NIPSNAP1: variants seen among roughly 807,000 people sequenced by gnomAD.
The protein encoded by NIPSNAP1 is protein NipSnap homolog 1.
NIPSNAP1 carries 25 observed loss-of-function variants against 49.2 expected under a neutral mutation model. The ratio of observed to expected loss-of-function variants is 0.51; its 90% CI spans 0.37 to 0.71. The LOEUF is 0.71. Among genes scored for constraint, NIPSNAP1 ranks in the 30% least tolerant of loss-of-function variants. The pLI, the probability that NIPSNAP1 is intolerant of heterozygous loss-of-function variation, is 0.00. For missense variants in NIPSNAP1, 294 were observed against 361.0 expected (o/e 0.81, Z 1.50); for synonymous variants, 143 against 140.7 (o/e 1.02, Z -0.12).
chr22:29,561,580 C>T lies in NIPSNAP1; in HGVS notation c.505G>A (p.Glu169Lys). 6.2e-7 allele frequency: 1 copy of T among 1,614,084 alleles called. No homozygotes were observed. Among genetic ancestry groups the T allele is most frequent in the Non-Finnish European group, 8.5e-7 (1 of 1,179,998 alleles). ...LLSRRNQLLL[E>K]FSFWNEPQPR... The stretch of plus-strand genomic sequence containing the variant: ...TGTGGCTCATTCCAGAAGCTGAACT[C>T]GAGGAGCAGCTGGTTTCTCCTGGAC... Residue 169 changes from glutamate (E) to lysine (K), a missense_variant, in exon 6 of 10, where the codon GAG becomes AAG. Transcript: ENST00000216121.
chr22:29,574,022 G>C (rs572498843), intron 1 of NIPSNAP1, among the ~76,000 whole-genome samples: 2 of 152,008 alleles, frequency 1.3e-5, no homozygotes, highest in Admixed American at 1.3e-4. Flanking sequence ...TTGGGAGGCT[G>C]AGGCGGGCAG....
At chr22:29,570,627 C>T in intron 1 of NIPSNAP1, 95 bp from the exon 2 acceptor site, 1 of 1,507,922 alleles carries the variant, frequency 6.6e-7, no homozygotes, top group Non-Finnish European at 9.0e-7. Flanking sequence ...GACCAGTGAC[C>T]CACATTTCTG....
intron 1 of NIPSNAP1, among the ~76,000 whole-genome samples, chr22:29,572,302 CAA>C (rs695769): frequency 0.32 from 22,139 of 70,090 alleles, 1,656 homozygotes; most frequent in East Asian, 0.59. Flanking sequence ...GAATCCATCT[CAA>C]AAAAAAAAAA....
intron 9 of NIPSNAP1, 152 bp downstream of exon 9, chr22:29,558,718 G>A (rs1360366141): frequency 2.8e-6 from 2 of 703,980 alleles, no homozygotes; most frequent in Admixed American, 2.0e-5. Flanking sequence ...ATCCTATGGA[G>A]TGTGCCACTT....
Position 29,570,542 on chromosome 22 carries a change from AGAG to A in NIPSNAP1, c.99-13_99-11del, listed in dbSNP as rs1295627399. 3 of 1,612,288 alleles carry A rather than the reference AGAG, an allele frequency of 1.9e-6. No individual in the cohort carries two copies. The highest frequency in any genetic ancestry group is 2.7e-5 in the African/African-American group (2 of 74,920). ...GTCCTTGGAATAGAAACTGCAGGAC[AGAG>A]GAGTTGAGGGGGACGCGCGGAGGTT... On this transcript the variant is annotated splice_polypyrimidine_tract_variant and intron_variant, in intron 1 of 9. Transcript: ENST00000216121.
chr22:29,573,379 C>T (rs767266752), intron 1 of NIPSNAP1, among the ~76,000 whole-genome samples: 11 of 152,006 alleles, frequency 7.2e-5, no homozygotes, highest in South Asian at 2.1e-4. Flanking sequence ...AGAAATGGGC[C>T]GGGCATGGTG....
chr22:29,555,794 G>T lies in NIPSNAP1; in HGVS notation c.*141C>A. On this transcript the variant is annotated 3_prime_UTR_variant, in exon 10 of 10. Coordinates refer to ENST00000216121, the MANE Select transcript of NIPSNAP1 (RefSeq NM_003634.4). ...AATCCTCAGAACTTGTCAGCCTTCA[G>T]TTCCCCCTTGTCTGAACTGAGCACT... The T allele has an allele frequency of 1.3e-6, 1 of 772,172 alleles. No individual in the cohort carries two copies. The highest frequency in any genetic ancestry group is 2.3e-6 in the Non-Finnish European group (1 of 439,140). 47.8% of individuals were successfully genotyped at this position (772,172 alleles called of 1,614,324 possible). A position where few individuals can be genotyped will look rare whatever the true frequency, so the allele number is the denominator to read the frequency against.
intron 9 of NIPSNAP1, among the ~76,000 whole-genome samples, 177 bp downstream of exon 9, chr22:29,558,693 C>G (rs2064313046): frequency 6.6e-6 from 1 of 152,036 alleles, no homozygotes; most frequent in Admixed American, 6.6e-5. Context: ...AGAGTACTCA[C>G]CTAGGCCTGC....
At chr22:29,557,316 C>T (rs1236591783) in intron 9 of NIPSNAP1, among the ~76,000 whole-genome samples, 2 of 152,160 alleles carry the variant, frequency 1.3e-5, no homozygotes, top group Admixed American at 6.5e-5. Context: ...GACGAGGTTT[C>T]ACCATGTTGC....
At chr22:29,574,744 A>T (rs1601496817) in intron 1 of NIPSNAP1, among the ~76,000 whole-genome samples, 2 of 146,702 alleles carry the variant, frequency 1.4e-5, no homozygotes, top group South Asian at 4.2e-4. Flanking sequence ...GTGCCATTGC[A>T]CTCCAGACTG....
rs1342247063 is a variant in NIPSNAP1, at chr22:29,560,257, CT to C, written c.706+476del. Among the ~76,000 whole-genome samples, 297 of 136,052 alleles carry C rather than the reference CT, an allele frequency of 2.2e-3. No homozygotes were observed. In the Middle Eastern group the frequency reaches 0.022, roughly 10 times the overall value. The allele number at this position is 136,052 out of a possible 152,430, so 89.3% of individuals were successfully genotyped here. On this transcript the variant is annotated intron_variant, in intron 8 of 9. Coordinates refer to ENST00000216121, the MANE Select transcript of NIPSNAP1 (RefSeq NM_003634.4). ...TCTCCCTGCCTTTTTTTTTTTTCTT[CT>C]TTTTTTTTGAGACGGAGTCTCGCTC...
intron 4 of NIPSNAP1, among the ~76,000 whole-genome samples, chr22:29,566,787 G>T (rs949129956): frequency 2.0e-5 from 3 of 151,992 alleles, no homozygotes; most frequent in African/African-American, 7.3e-5. Context: ...TTGCACCACT[G>T]CAGTCCAGCC....
At chr22:29,564,475 G>A (rs536585240) in intron 4 of NIPSNAP1, 3 of 459,850 alleles carry the variant, frequency 6.5e-6, no homozygotes, top group South Asian at 3.2e-5. Flanking sequence ...GTGCGGTGGC[G>A]TGATCTCAGC....
Position 29,555,889 on chromosome 22 carries a change from G to T in NIPSNAP1, c.*46C>A. On this transcript the variant is annotated 3_prime_UTR_variant, in exon 10 of 10. Coordinates refer to ENST00000216121, the MANE Select transcript of NIPSNAP1 (RefSeq NM_003634.4). Reference sequence around the variant, plus strand: ...GGACCAGGAGTGCCACTGTCTGTCGGGGTTGCCTGAGGGAGAAGGGGAAGG... The same window carrying T: ...GGACCAGGAGTGCCACTGTCTGTCGTGGTTGCCTGAGGGAGAAGGGGAAGG... The T allele has an allele frequency of 6.6e-7, 1 of 1,524,604 alleles. No individual in the cohort carries two copies. The highest frequency in any genetic ancestry group is 8.9e-7 in the Non-Finnish European group (1 of 1,122,264). The allele number at this position is 1,524,604 out of a possible 1,614,324, so 94.4% of individuals were successfully genotyped here.
At chr22:29,566,102 T>G (rs1217006884) in intron 4 of NIPSNAP1, among the ~76,000 whole-genome samples, 1 of 152,166 alleles carries the variant, frequency 6.6e-6, no homozygotes, top group African/African-American at 2.4e-5. Flanking sequence ...GAGTGAGCAT[T>G]TGAAATGTAG....
intron 4 of NIPSNAP1, among the ~76,000 whole-genome samples, chr22:29,566,435 C>T (rs1436686375): frequency 6.6e-6 from 1 of 152,086 alleles, no homozygotes. Flanking sequence ...CCTCCCAACT[C>T]AGCCTCCCAA....
At chr22:29,560,966 G>A in intron 7 of NIPSNAP1, 138 bp from the exon 8 acceptor site, 1 of 924,608 alleles carries the variant, frequency 1.1e-6, no homozygotes, top group South Asian at 1.4e-5. Flanking sequence ...AAGGACTGAT[G>A]GCGGGGTGTT....
At position 29,555,661 on chromosome 22, in the gene NIPSNAP1, A is replaced by G. The variant is rs7609; in HGVS notation, c.*274T>C. On this transcript the variant is annotated 3_prime_UTR_variant, in exon 10 of 10. Transcript: ENST00000216121. ...TTGAGATGAGGAATTTTAGAAGATA[A>G]ATGAAGGCCTAAAAGATCACTATCT... 4.4e-6 allele frequency: 2 copies of G among 455,748 alleles called. No individual in the cohort carries two copies. The highest frequency in any genetic ancestry group is 8.4e-5 in the East Asian group (2 of 23,936). 28.2% of individuals were successfully genotyped at this position (455,748 alleles called of 1,614,324 possible).
chr22:29,570,248 G>A, intron 2 of NIPSNAP1, 41 bp from the exon 3 acceptor site: 1 of 1,610,472 alleles, frequency 6.2e-7, no homozygotes, highest in Non-Finnish European at 8.5e-7. Context: ...GGTAGGGTGT[G>A]TACACAGGGA....
Sources: allele counts gnomAD v4.1 joint callset (sites outside exome capture counted in the v4.1 genomes callset), GRCh38; gene constraint gnomAD v4.1.1; transcripts MANE v1.5; gene names NCBI Gene and HGNC (gene_info 2026-07-23, HGNC 2026-07-21).